The following CACNA1C variants were observed in gnomAD, a reference collection of about 807,000 sequenced individuals.
The protein encoded by CACNA1C is voltage-dependent L-type calcium channel subunit alpha-1C.
A neutral mutation model predicts 229.0 loss-of-function variants in CACNA1C; 30 were observed. The observed-to-expected ratio is 0.13, with a 90% CI of 0.10 to 0.18. The LOEUF (loss-of-function observed/expected upper bound fraction) is 0.18, where lower values mean the gene tolerates loss of function less well. Among genes scored for constraint, CACNA1C ranks in the 10% least tolerant of loss-of-function variants. CACNA1C has a pLI of 1.00. For missense variants in CACNA1C, 1,658 were observed against 2,845.0 expected (o/e 0.58, Z 9.49); for synonymous variants, 1,114 against 1,132.5 (o/e 0.98, Z 0.33).
chr12:2,422,508 G>A (rs1456351100), intron 3 of CACNA1C, among the ~76,000 whole-genome samples: 1 of 152,064 alleles, frequency 6.6e-6, no homozygotes, highest in East Asian at 1.9e-4. Context: ...CAAGGACCTG[G>A]GTATATCTTG....
intron 3 of CACNA1C, among the ~76,000 whole-genome samples, chr12:2,157,669 T>C (rs1033573459): frequency 6.6e-6 from 1 of 152,246 alleles, no homozygotes; most frequent in Non-Finnish European, 1.5e-5. Flanking sequence ...AAGCCACACC[T>C]GTGCTCACAA....
At position 2,610,581 on chromosome 12, in the gene CACNA1C, G is replaced by A. The variant is rs369686855; in HGVS notation, c.3599G>A (p.Arg1200Gln). ...TACGCCCTCAAGGCCCGGCCCCTGC[G>A]GAGGTACATCCCCAAGAACCAGCAC... ...VEYALKARPL[R>Q]RYIPKNQHQY... The change falls in exon 28 of 47, where the codon CGG (arginine) becomes CAG (glutamine). Residue 1200 changes from arginine to glutamine, a missense_variant. Around this residue, in one of 20 missense-constraint regions of CACNA1C, gnomAD observed 67 missense variants for 106.4 expected, o/e 0.63. Coordinates refer to ENST00000399655, the MANE Select transcript of CACNA1C (RefSeq NM_000719.7). 7.4e-6 allele frequency: 12 copies of A among 1,613,918 alleles called. No individual in the cohort carries two copies. Among genetic ancestry groups the A allele is most frequent in the Admixed American group, 3.3e-5 (2 of 60,010 alleles).
intron 1 of CACNA1C, among the ~76,000 whole-genome samples, chr12:2,074,174 A>C (rs2062352673): frequency 1.3e-5 from 2 of 151,608 alleles, no homozygotes; most frequent in Non-Finnish European, 2.9e-5. Context: ...ATAATGTAGG[A>C]AAAAACATCT....
Position 2,632,353 on chromosome 12 carries a change from T to TG in CACNA1C, c.3829-1939dup, listed in dbSNP as rs959061236. Among the ~76,000 whole-genome samples, 2 of 151,828 alleles carry TG rather than the reference T, an allele frequency of 1.3e-5. No individual in the cohort carries two copies. Among genetic ancestry groups the TG allele is most frequent in the African/African-American group, 4.8e-5 (2 of 41,310 alleles). ...TATGGGGAATATGATCGCCTGTAGC[T>TG]GGGGGTGTATGCACCCATTCAGTCA... is the stretch of plus-strand genomic sequence containing the variant. On this transcript the variant is annotated intron_variant, in intron 29 of 46. Coordinates refer to ENST00000399655, the MANE Select transcript of CACNA1C (RefSeq NM_000719.7). The surrounding 1 kb of genome is among the most constrained non-coding windows in gnomAD (Gnocchi z 4.1).
intron 6 of CACNA1C, among the ~76,000 whole-genome samples, chr12:2,490,324 G>A (rs1282251711): frequency 1.3e-5 from 2 of 152,176 alleles, no homozygotes; most frequent in African/African-American, 4.8e-5. Context: ...CCTCTTCCCT[G>A]TTTGTGATGT....
intron 31 of CACNA1C, among the ~76,000 whole-genome samples, chr12:2,650,635 G>T (rs530614219): frequency 6.6e-6 from 1 of 152,300 alleles, no homozygotes; most frequent in Admixed American, 6.5e-5. Flanking sequence ...ATGTTCTCAG[G>T]TTTGGAGGCA....
Position 2,597,336 on chromosome 12 carries a change from C to A in CACNA1C, c.2853+47C>A. On this transcript the variant is annotated intron_variant, in intron 21 of 46. Coordinates refer to ENST00000399655, the MANE Select transcript of CACNA1C (RefSeq NM_000719.7). This position sits in a 1 kb window ranked among gnomAD's most constrained non-coding sequence, Gnocchi z 4.3. Reference sequence around the variant, plus strand: ...GCTCCTCCTGTCCCCCTTGTGCCAGCACCAGGTCTCTGCCGCTGTCTGTCG... The same window carrying A: ...GCTCCTCCTGTCCCCCTTGTGCCAGAACCAGGTCTCTGCCGCTGTCTGTCG... The A allele has an allele frequency of 1.3e-6, 2 of 1,528,760 alleles. No homozygotes were observed. Among genetic ancestry groups the A allele is most frequent in the Non-Finnish European group, 1.8e-6 (2 of 1,102,300 alleles). The allele number at this position is 1,528,760 out of a possible 1,614,324, so 94.7% of individuals were successfully genotyped here.
intron 1 of CACNA1C, among the ~76,000 whole-genome samples, chr12:2,027,795 T>G (rs2047587883): frequency 6.6e-6 from 1 of 152,220 alleles, no homozygotes; most frequent in Admixed American, 6.5e-5. Context: ...TGAAGTTTTA[T>G]GAAGAATTAA....
chr12:1,979,140 G>A (rs2035336661), intron 1 of CACNA1C, among the ~76,000 whole-genome samples: 1 of 152,132 alleles, frequency 6.6e-6, no homozygotes, highest in Non-Finnish European at 1.5e-5. Flanking sequence ...AGGCTCCCAA[G>A]TGGCTGGGAT....
intron 1 of CACNA1C, among the ~76,000 whole-genome samples, chr12:2,020,794 T>C (rs1230729266): frequency 6.6e-6 from 1 of 152,208 alleles, no homozygotes; most frequent in Non-Finnish European, 1.5e-5. Context: ...GCCTAATACA[T>C]AAATTTGCTC....
At chr12:2,481,341 T>C (rs866768318) in intron 5 of CACNA1C, among the ~76,000 whole-genome samples, 10 of 152,170 alleles carry the variant, frequency 6.6e-5, no homozygotes, top group Non-Finnish European at 5.9e-5. Context: ...AGACATTGCT[T>C]TCTGCAATGG....
chr12:2,053,743 T>A lies in CACNA1C; in HGVS notation c.49+132T>A. 1.1e-6 allele frequency: 1 copy of A among 923,254 alleles called. No homozygotes were observed. Among genetic ancestry groups the A allele is most frequent in the Non-Finnish European group, 1.4e-6 (1 of 720,026 alleles). The allele number at this position is 923,254 out of a possible 1,614,324, so 57.2% of individuals were successfully genotyped here. Reference sequence around the variant, plus strand: ...CGGGGCCGCGTCCGCGAGGGGCGCCTCCGCCTCGTCGGAGCGCCCGGGAGC... The same window carrying A: ...CGGGGCCGCGTCCGCGAGGGGCGCCACCGCCTCGTCGGAGCGCCCGGGAGC... On this transcript the variant is annotated intron_variant, in intron 1 of 46. Transcript: ENST00000399655. The surrounding 1 kb of genome is among the most constrained non-coding windows in gnomAD (Gnocchi z 5.8).
At chr12:2,158,230 C>T (rs2095649993) in intron 3 of CACNA1C, among the ~76,000 whole-genome samples, 1 of 152,172 alleles carries the variant, frequency 6.6e-6, no homozygotes, top group Non-Finnish European at 1.5e-5. Context: ...TGAAACAGGC[C>T]TATCCCAAGG....
rs1401346214 is a variant in CACNA1C at position 2,677,983 on chromosome 12, T to A, written c.5091+116T>A. The A allele has an allele frequency of 2.5e-6, 3 of 1,222,842 alleles. No homozygotes were observed. Among genetic ancestry groups the A allele is most frequent in the East Asian group, 4.7e-5 (2 of 42,494 alleles). 75.7% of individuals were successfully genotyped at this position (1,222,842 alleles called of 1,614,324 possible). On this transcript the variant is annotated intron_variant, in intron 41 of 46. Coordinates refer to ENST00000399655, the MANE Select transcript of CACNA1C (RefSeq NM_000719.7). This position sits in a 1 kb window ranked among gnomAD's most constrained non-coding sequence, Gnocchi z 7.4. ...AAGGAGCTGCACCAGAGGAAAGGGC[T>A]ACTTCCAGGCTCTTCCTGATGAGCT...
intron 3 of CACNA1C, among the ~76,000 whole-genome samples, chr12:2,340,905 C>G (rs754666421): frequency 6.6e-6 from 1 of 151,256 alleles, no homozygotes; most frequent in African/African-American, 2.5e-5. Context: ...TGCAGTGAGC[C>G]GAGATTGTGC....
rs150296549 is a variant in CACNA1C, at chr12:2,357,825, G to C, written c.478-91151G>C. ...GTCTCTACTAAAAATACAAAAATTA[G>C]CCAGGCATGGTGGAGGGTGCCTGTA... On this transcript the variant is annotated intron_variant, in intron 3 of 46. Transcript: ENST00000399655. 3.3e-3 allele frequency among the ~76,000 whole-genome samples: 496 copies of C among 152,006 alleles called. 2 individuals are homozygous for C. The highest frequency in any genetic ancestry group is 0.011 in the African/African-American group (472 of 41,454).
chr12:2,084,204 C>T (rs528168599), intron 1 of CACNA1C, among the ~76,000 whole-genome samples: 1 of 152,284 alleles, frequency 6.6e-6, no homozygotes, highest in East Asian at 1.9e-4. Context: ...ACTCCCCACC[C>T]AGGGCAGGCC....
At chr12:2,350,131 G>T (rs772169579) in intron 3 of CACNA1C, among the ~76,000 whole-genome samples, 1 of 152,178 alleles carries the variant, frequency 6.6e-6, no homozygotes, top group Admixed American at 6.5e-5. Context: ...GGCCTATAAG[G>T]AATTCCTTCT....
Position 2,647,827 on chromosome 12 carries a change from A to C in CACNA1C, c.3913-648A>C, listed in dbSNP as rs992373009. 6.6e-6 allele frequency among the ~76,000 whole-genome samples: 1 copy of C among 152,174 alleles called. No individual in the cohort carries two copies. Among genetic ancestry groups the C allele is most frequent in the Non-Finnish European group, 1.5e-5 (1 of 68,032 alleles). ...CATAGGTTAACAATGGCTAATAAAAAACAAATTAAAACAGGCTTGGCACAG... is the reference window on the plus strand; with the variant it reads ...CATAGGTTAACAATGGCTAATAAAACACAAATTAAAACAGGCTTGGCACAG... On this transcript the variant is annotated intron_variant, in intron 30 of 46. Transcript: ENST00000399655. This position sits in a 1 kb window ranked among gnomAD's most constrained non-coding sequence, Gnocchi z 4.2.
Sources: gnomAD v4.1 joint callset for allele counts (sites outside exome capture counted in the v4.1 genomes callset) on GRCh38, gnomAD v4.1.1 for gene constraint, gnomAD v4.1.1 regional missense constraint, Gnocchi (gnomAD v3.1) non-coding constraint, MANE v1.5 for transcripts, NCBI Gene and HGNC (gene_info 2026-07-23, HGNC 2026-07-21) for gene names.